Variants in IQSEC1 observed in about 807,000 individuals in gnomAD.
IQSEC1 encodes IQ motif and SEC7 domain-containing protein 1.
Under a neutral mutation model 91.0 loss-of-function variants are expected in IQSEC1, and 31 were observed. The observed-to-expected ratio is 0.34, with a 90% CI of 0.26 to 0.46. IQSEC1 has a LOEUF of 0.46. Ranked by LOEUF, IQSEC1 falls within the 20% of genes least tolerant of loss-of-function variation. The probability of loss-of-function intolerance (pLI) is 1.00; values close to 1 mark genes in which losing one functional copy is unlikely to be tolerated. For missense variants in IQSEC1, 1,388 were observed against 1,575.6 expected, an observed-to-expected ratio of 0.88 and a Z score of 2.02; for synonymous variants, 699 against 662.6, an observed-to-expected ratio of 1.05 and a Z score of -0.84.
intron 12 of IQSEC1, among the ~76,000 whole-genome samples, chr3:12,905,451 T>C (rs1694868628): frequency 6.6e-6 from 1 of 152,242 alleles, no homozygotes; most frequent in African/African-American, 2.4e-5. Flanking sequence ...CGGCGCTGCC[T>C]GAGCCAGGCA....
At chr3:13,157,983 A>G (rs1284355991) in intron 2 of IQSEC1, among the ~76,000 whole-genome samples, 1 of 152,242 alleles carries the variant, frequency 6.6e-6, no homozygotes, top group Non-Finnish European at 1.5e-5. Context: ...TGCTCAATGA[A>G]GACTGTTAAA....
At chr3:13,213,578 G>A (rs1460897928) in intron 1 of IQSEC1, among the ~76,000 whole-genome samples, 5 of 152,092 alleles carry the variant, frequency 3.3e-5, no homozygotes, top group Non-Finnish European at 5.9e-5. Flanking sequence ...TTTTATCCAC[G>A]GCTCCTTCAA....
chr3:13,228,361 A>C (rs1294003143), intron 1 of IQSEC1, among the ~76,000 whole-genome samples: 3 of 152,090 alleles, frequency 2.0e-5, no homozygotes, highest in African/African-American at 7.2e-5. Flanking sequence ...CGTGGGCTGG[A>C]ACTGCATGAC....
intron 1 of IQSEC1, among the ~76,000 whole-genome samples, chr3:13,029,723 C>T (rs901260801): frequency 7.2e-5 from 11 of 152,168 alleles, no homozygotes; most frequent in Non-Finnish European, 1.5e-4. Flanking sequence ...TGTGTGTGTG[C>T]GTGCATGCGT....
At position 12,900,586 on chromosome 3, in the gene IQSEC1, T is replaced by G; in HGVS notation, c.*397A>C. ...GCAATAATGCAGCAAGTTTTGGGGT[T>G]TGTTTTGTCTGTTTTTGTATCTCAT... On this transcript the variant is annotated 3_prime_UTR_variant, in exon 14 of 14. Transcript: ENST00000613206. The G allele has an allele frequency of 3.0e-6, 3 of 1,012,098 alleles. No homozygotes were observed. The highest frequency in any genetic ancestry group is 3.5e-6 in the Non-Finnish European group (3 of 846,258). 62.7% of individuals were successfully genotyped at this position (1,012,098 alleles called of 1,614,324 possible). A position where few individuals can be genotyped will look rare whatever the true frequency, so the allele number is the denominator to read the frequency against.
intron 1 of IQSEC1, among the ~76,000 whole-genome samples, chr3:13,072,393 C>T (rs1349940774): frequency 6.6e-6 from 1 of 152,214 alleles, no homozygotes; most frequent in Non-Finnish European, 1.5e-5. Context: ...TACCCGGGCC[C>T]GTGATGTCAC....
At chr3:13,040,699 G>T (rs1704228416) in intron 1 of IQSEC1, among the ~76,000 whole-genome samples, 1 of 152,194 alleles carries the variant, frequency 6.6e-6, no homozygotes, top group South Asian at 2.1e-4. Flanking sequence ...ATGACCCAAA[G>T]ACACCCTTCC....
chr3:13,181,939 T>C (rs1395047001), intron 1 of IQSEC1, among the ~76,000 whole-genome samples: 2 of 152,254 alleles, frequency 1.3e-5, no homozygotes, highest in Non-Finnish European at 2.9e-5. Flanking sequence ...TCCTGTCTAG[T>C]TCACTGCTGT....
intron 1 of IQSEC1, among the ~76,000 whole-genome samples, chr3:13,062,244 G>A (rs894106127): frequency 6.6e-6 from 1 of 152,006 alleles, no homozygotes; most frequent in African/African-American, 2.4e-5. Context: ...CATTTCTTAA[G>A]TCCTAGCACG....
intron 1 of IQSEC1, among the ~76,000 whole-genome samples, chr3:13,049,588 G>A (rs756660484): frequency 6.6e-6 from 1 of 152,018 alleles, no homozygotes; most frequent in African/African-American, 2.4e-5. Flanking sequence ...TTATCCAGAC[G>A]CAAACTCCTA....
At chr3:13,236,386 G>A (rs1056134040) in intron 1 of IQSEC1, among the ~76,000 whole-genome samples, 4 of 152,224 alleles carry the variant, frequency 2.6e-5, no homozygotes, top group Admixed American at 6.5e-5. Context: ...TCCAGTTTTC[G>A]ACATGAAACT....
intron 2 of IQSEC1, among the ~76,000 whole-genome samples, chr3:13,091,552 G>T (rs1705861470): frequency 6.6e-6 from 1 of 151,926 alleles, no homozygotes; most frequent in African/African-American, 2.4e-5. Flanking sequence ...CCTGAGCACA[G>T]CCCTCCTTTG....
chr3:13,277,745 C>T (rs1176874994), intron 1 of IQSEC1, among the ~76,000 whole-genome samples: 2 of 152,190 alleles, frequency 1.3e-5, no homozygotes, highest in Non-Finnish European at 2.9e-5. Context: ...CAGTATCTCC[C>T]TCTGCCCTGC....
intron 2 of IQSEC1, among the ~76,000 whole-genome samples, chr3:13,136,268 G>A (rs1044065258): frequency 2.6e-5 from 4 of 152,208 alleles, no homozygotes; most frequent in Admixed American, 6.5e-5. Flanking sequence ...AAGGTCACCC[G>A]ACTCACACCA....
intron 1 of IQSEC1, among the ~76,000 whole-genome samples, chr3:13,254,278 G>A (rs1576311907): frequency 6.6e-6 from 1 of 152,356 alleles, no homozygotes; most frequent in East Asian, 1.9e-4. Context: ...CCACACCCTG[G>A]GGACGCACTG....
chr3:12,941,056 G>A (rs1278001804), intron 2 of IQSEC1, among the ~76,000 whole-genome samples: 1 of 152,208 alleles, frequency 6.6e-6, no homozygotes, highest in Non-Finnish European at 1.5e-5. Context: ...GGAGGTGTGA[G>A]CCAGGAGGAA....
chr3:13,172,877 T>G (rs1413178345), intron 1 of IQSEC1, among the ~76,000 whole-genome samples: 1 of 152,152 alleles, frequency 6.6e-6, no homozygotes, highest in Non-Finnish European at 1.5e-5. Flanking sequence ...TGTTCCCCCC[T>G]GTGCCCTGGG....
intron 1 of IQSEC1, among the ~76,000 whole-genome samples, chr3:13,037,058 C>T (rs899413913): frequency 3.3e-5 from 5 of 152,166 alleles, no homozygotes; most frequent in Admixed American, 1.3e-4. Flanking sequence ...CCTGGGGCTG[C>T]GTCAAGCTAC....
intron 2 of IQSEC1, among the ~76,000 whole-genome samples, chr3:13,140,789 G>A (rs1371700392): frequency 1.3e-5 from 2 of 152,186 alleles, no homozygotes; most frequent in Non-Finnish European, 2.9e-5. Flanking sequence ...TCATGCCACC[G>A]TGGCTCTGTT....
Sources: allele counts gnomAD v4.1 joint callset (sites outside exome capture counted in the v4.1 genomes callset), GRCh38; gene constraint gnomAD v4.1.1; transcripts MANE v1.5; gene names NCBI Gene and HGNC (gene_info 2026-07-23, HGNC 2026-07-21).